SIPA1L1: variants seen among roughly 807,000 people sequenced by gnomAD.
SIPA1L1 encodes the protein signal induced proliferation associated 1 like 1, also known as signal-induced proliferation-associated 1-like protein 1.
SIPA1L1 carries 26 observed loss-of-function variants against 162.7 expected under a neutral mutation model. The observed-to-expected ratio is 0.16, with a 90% confidence interval of 0.12 to 0.22. The LOEUF (loss-of-function observed/expected upper bound fraction) is 0.22, where lower values mean the gene tolerates loss of function less well. SIPA1L1 is among the 10% of genes least tolerant of loss of function. The pLI, the probability that SIPA1L1 is intolerant of heterozygous loss-of-function variation, is 1.00. For missense variants in SIPA1L1, 1,874 were observed against 2,241.0 expected (o/e 0.84, Z 3.31); for synonymous variants, 829 against 837.4 (o/e 0.99, Z 0.17).
chr14:71,707,032 CAAAAAAA>C (rs775191889), intron 16 of SIPA1L1, among the ~76,000 whole-genome samples: 7 of 92,396 alleles, frequency 7.6e-5, no homozygotes, highest in Non-Finnish European at 1.4e-4. Flanking sequence ...AAGACTCCGT[CAAAAAAA>C]AAAAAAAAAA....
At chr14:71,630,704 A>G (rs749412799) in intron 7 of SIPA1L1, among the ~76,000 whole-genome samples, 1 of 152,084 alleles carries the variant, frequency 6.6e-6, no homozygotes, top group African/African-American at 2.4e-5. Context: ...TTCCATTTCT[A>G]CCTGTTCCTA....
Position 71,741,075 on chromosome 14 carries a change from A to T in SIPA1L1, c.*1914A>T, listed in dbSNP as rs1264489408. On this transcript the variant is annotated 3_prime_UTR_variant, in exon 24 of 24. Coordinates refer to ENST00000381232, the MANE Select transcript of SIPA1L1 (RefSeq NM_001386936.1). ...TGGTATTATTGCTTGAGGTTTGCTTATTTGAAAGACCACCCAATAACTCAT... is the reference window on the plus strand; with the variant it reads ...TGGTATTATTGCTTGAGGTTTGCTTTTTTGAAAGACCACCCAATAACTCAT... 1.3e-5 allele frequency: 2 copies of T among 152,204 alleles called. No individual in the cohort carries two copies. Among genetic ancestry groups the T allele is most frequent in the African/African-American group, 4.8e-5 (2 of 41,462 alleles). 9.4% of individuals were successfully genotyped at this position (152,204 alleles called of 1,614,324 possible). A position where few individuals can be genotyped will look rare whatever the true frequency, so the allele number is the denominator to read the frequency against.
chr14:71,645,097 C>G (rs2042044671), intron 7 of SIPA1L1, among the ~76,000 whole-genome samples: 1 of 152,208 alleles, frequency 6.6e-6, no homozygotes, highest in South Asian at 2.1e-4. Context: ...GGTGGCTGCC[C>G]GTGCACCTTG....
At chr14:71,483,070 A>G (rs951089950) in intron 2 of SIPA1L1, among the ~76,000 whole-genome samples, 1 of 152,144 alleles carries the variant, frequency 6.6e-6, no homozygotes, top group Admixed American at 6.5e-5. Flanking sequence ...TCTCTTTTTG[A>G]TAAGAGACTT....
At chr14:71,344,452 G>A (rs1275999972) in intron 2 of SIPA1L1, among the ~76,000 whole-genome samples, 2 of 152,198 alleles carry the variant, frequency 1.3e-5, no homozygotes, top group Non-Finnish European at 2.9e-5. Flanking sequence ...AAGGCAGCAG[G>A]CCCAGTGCCT....
chr14:71,504,140 T>C (rs1346053861), intron 2 of SIPA1L1, among the ~76,000 whole-genome samples: 1 of 152,184 alleles, frequency 6.6e-6, no homozygotes, highest in Admixed American at 6.5e-5. Context: ...AATATTCTTG[T>C]CTCTGATCTT....
chr14:71,565,223 A>G (rs971809559), intron 4 of SIPA1L1, among the ~76,000 whole-genome samples: 1 of 151,994 alleles, frequency 6.6e-6, no homozygotes, highest in Non-Finnish European at 1.5e-5. Context: ...CATTCTGTTG[A>G]TCAATTTTTG....
chr14:71,492,598 G>A (rs1199338842), intron 2 of SIPA1L1, among the ~76,000 whole-genome samples: 1 of 152,094 alleles, frequency 6.6e-6, no homozygotes, highest in Admixed American at 6.5e-5. Context: ...GACCAGGCCC[G>A]TGCGGTAGCT....
chr14:71,464,885 C>T (rs1203481067), intron 2 of SIPA1L1, among the ~76,000 whole-genome samples: 5 of 152,136 alleles, frequency 3.3e-5, no homozygotes, highest in Admixed American at 2.0e-4. Flanking sequence ...AGGGGCCCGC[C>T]GGGACTTTAG....
At chr14:71,420,981 T>C (rs755110715) in intron 2 of SIPA1L1, among the ~76,000 whole-genome samples, 6 of 152,192 alleles carry the variant, frequency 3.9e-5, no homozygotes, top group Non-Finnish European at 8.8e-5. Flanking sequence ...ACGTGTCTCT[T>C]TTAAGTCTTT....
intron 2 of SIPA1L1, among the ~76,000 whole-genome samples, chr14:71,382,511 G>A (rs2039987302): frequency 1.3e-5 from 2 of 152,300 alleles, no homozygotes; most frequent in African/African-American, 4.8e-5. Flanking sequence ...AGAGAGATTC[G>A]TTTAGCCAGT....
At chr14:71,631,833 C>T (rs939935869) in intron 7 of SIPA1L1, among the ~76,000 whole-genome samples, 10 of 152,082 alleles carry the variant, frequency 6.6e-5, no homozygotes, top group Admixed American at 2.0e-4. Flanking sequence ...GCTCTCAATA[C>T]GGAATTTTTC....
chr14:71,643,330 C>T (rs1299634728), intron 7 of SIPA1L1, among the ~76,000 whole-genome samples: 1 of 152,056 alleles, frequency 6.6e-6, no homozygotes, highest in Non-Finnish European at 1.5e-5. Context: ...TAGAGAAATC[C>T]AGAAGAAAGC....
chr14:71,592,753 A>ATTAT (rs1363612343), intron 5 of SIPA1L1, among the ~76,000 whole-genome samples: 1 of 152,220 alleles, frequency 6.6e-6, no homozygotes, highest in Non-Finnish European at 1.5e-5. Flanking sequence ...TTTTATAAAC[A>ATTAT]TTATTTTACA....
chr14:71,698,235 A>T (rs10146552), intron 13 of SIPA1L1, among the ~76,000 whole-genome samples: 1 of 151,974 alleles, frequency 6.6e-6, no homozygotes, highest in Non-Finnish European at 1.5e-5. Context: ...TGCCTACTAG[A>T]GTAGAGGAGG....
intron 3 of SIPA1L1, among the ~76,000 whole-genome samples, chr14:71,515,877 A>G (rs1270977752): frequency 6.6e-6 from 1 of 152,154 alleles, no homozygotes; most frequent in Non-Finnish European, 1.5e-5. Flanking sequence ...CCTGACCTCA[A>G]GTGATCCGCC....
chr14:71,356,567 C>CAATAAAAAAAAAAA (rs2037266943), intron 2 of SIPA1L1, among the ~76,000 whole-genome samples: 1 of 39,172 alleles, frequency 2.6e-5, no homozygotes, highest in African/African-American at 1.1e-4. Flanking sequence ...CTTGTCTCTA[C>CAATAAAAAAAAAAA]AAAAAAAAAA....
intron 6 of SIPA1L1, among the ~76,000 whole-genome samples, chr14:71,622,873 C>T (rs977714858): frequency 6.6e-6 from 1 of 152,162 alleles, no homozygotes; most frequent in Non-Finnish European, 1.5e-5. Flanking sequence ...TTCTGTGCAC[C>T]CCCAGCTCAC....
intron 5 of SIPA1L1, among the ~76,000 whole-genome samples, chr14:71,602,930 C>T (rs966273464): frequency 3.3e-5 from 5 of 152,234 alleles, no homozygotes; most frequent in African/African-American, 7.2e-5. Context: ...TCCATGAAAC[C>T]TGTTCCTGGT....
Sources: gnomAD v4.1 joint callset for allele counts (sites outside exome capture counted in the v4.1 genomes callset) on GRCh38, gnomAD v4.1.1 for gene constraint, MANE v1.5 for transcripts, NCBI Gene and HGNC (gene_info 2026-07-23, HGNC 2026-07-21) for gene names.